The following PXDC1 variants were observed in gnomAD, a reference collection of about 807,000 sequenced individuals.
The protein encoded by PXDC1 is PX domain-containing protein 1.
In PXDC1, 13 loss-of-function variants were observed where a neutral mutation model predicts 24.4. The ratio of observed to expected loss-of-function variants is 0.53; its 90% CI spans 0.35 to 0.85. The LOEUF is 0.85. Ranked by LOEUF, PXDC1 falls within the 40% of genes least tolerant of loss-of-function variation. The pLI, the probability that PXDC1 is intolerant of heterozygous loss-of-function variation, is 0.01. For synonymous variants in PXDC1, 162 were observed against 124.9 expected (o/e 1.30, Z -1.98); for missense variants, 344 against 309.3 (o/e 1.11, Z -0.84).
At position 3,737,940 on chromosome 6, in the gene PXDC1, C is replaced by T. The variant is rs935832391; in HGVS notation, c.348+117G>A. ...TGGTACTACCAGGGAGGGAACAAAA[C>T]GGCTAAGTGAGACAGAGCAAGCAAG... On this transcript the variant is annotated intron_variant, in intron 2 of 4. Coordinates refer to ENST00000380283, the MANE Select transcript of PXDC1 (RefSeq NM_183373.4). This position sits in a 1 kb window ranked among gnomAD's most constrained non-coding sequence, Gnocchi z 5.5. 3.5e-6 allele frequency: 3 copies of T among 867,622 alleles called. No individual in the cohort carries two copies. The highest frequency in any genetic ancestry group is 2.4e-5 in the East Asian group (1 of 41,278). 53.7% of individuals were successfully genotyped at this position (867,622 alleles called of 1,614,324 possible).
intron 3 of PXDC1, 125 bp from the exon 4 acceptor site, chr6:3,727,787 G>A (rs949300507): frequency 6.4e-5 from 42 of 653,252 alleles, no homozygotes; most frequent in Middle Eastern, 2.5e-4. Flanking sequence ...CTTCCACACC[G>A]TAAGAGAATG....
At chr6:3,727,528 G>A (rs374641794) in intron 4 of PXDC1, 23 bp downstream of exon 4, 24 of 1,498,918 alleles carry the variant, frequency 1.6e-5, no homozygotes, top group Non-Finnish European at 2.0e-5. Context: ...TCTATGAAAC[G>A]ATATTCAAAT....
chr6:3,736,864 C>G (rs1760330395), intron 3 of PXDC1, among the ~76,000 whole-genome samples: 1 of 152,190 alleles, frequency 6.6e-6, no homozygotes, highest in Non-Finnish European at 1.5e-5. Flanking sequence ...ACATGCCAAA[C>G]AAACCCCTGA....
chr6:3,727,614 A>G lies in PXDC1; in HGVS notation c.515T>C (p.Val172Ala). The stretch of plus-strand genomic sequence containing the variant: ...TCCATTTGGTATACTGTGGTCAATA[A>G]CTATTGTTTCGGTATTTGCTAAACA... ...GFCLANTETIVIDHSIPNGRD... is the reference protein window; with the variant it reads ...GFCLANTETIAIDHSIPNGRD... Residue 172 changes from valine (V) to alanine (A), a missense_variant, in exon 4 of 5, where the codon GTT (valine) becomes GCT (alanine). Transcript: ENST00000380283. 1 of 1,613,948 alleles carries G rather than the reference A, an allele frequency of 6.2e-7. No homozygotes were observed. The highest frequency in any genetic ancestry group is 8.5e-7 in the Non-Finnish European group (1 of 1,179,864).
rs138654787 is a variant in PXDC1, at chr6:3,732,410, A to G, written c.466+4669T>C. Among the ~76,000 whole-genome samples, 350 of 152,366 alleles carry G rather than the reference A, an allele frequency of 2.3e-3. 2 individuals carry two copies. Among genetic ancestry groups the G allele is most frequent in the African/African-American group, 8.0e-3 (331 of 41,580 alleles). ...CTAAGGTTGAGATTGGCCAGAAGCCAGATTAATGAAAAATAAAATTGTGAT... is the reference window on the plus strand; with the variant it reads ...CTAAGGTTGAGATTGGCCAGAAGCCGGATTAATGAAAAATAAAATTGTGAT... On this transcript the variant is annotated intron_variant, in intron 3 of 4. Coordinates refer to ENST00000380283, the MANE Select transcript of PXDC1 (RefSeq NM_183373.4).
At chr6:3,741,174 G>A (rs1760441529) in intron 1 of PXDC1, among the ~76,000 whole-genome samples, 1 of 152,232 alleles carries the variant, frequency 6.6e-6, no homozygotes, top group African/African-American at 2.4e-5. Flanking sequence ...AGCCTCGAAG[G>A]AGAGTCTCGA....
Position 3,728,144 on chromosome 6 carries a change from T to C in PXDC1, c.467-482A>G, listed in dbSNP as rs1238130600. ...CTGAATGAAATCAGTGTGCATTTTA[T>C]TCTTATTTCAATAGTTTTGGGGTTA... is the stretch of plus-strand genomic sequence containing the variant. On this transcript the variant is annotated intron_variant, in intron 3 of 4. Transcript: ENST00000380283. This position sits in a 1 kb window ranked among gnomAD's most constrained non-coding sequence, Gnocchi z 4.0. 1.3e-5 allele frequency among the ~76,000 whole-genome samples: 2 copies of C among 152,182 alleles called. No individual in the cohort carries two copies. Among genetic ancestry groups the C allele is most frequent in the Admixed American group, 1.3e-4 (2 of 15,282 alleles).
rs146673240 is a variant in PXDC1, at chr6:3,750,438, G to A, written c.256+838C>T. Among the ~76,000 whole-genome samples the A allele has an allele frequency of 5.2e-3, 792 of 151,572 alleles. 2 individuals are homozygous for A. Among genetic ancestry groups the A allele is most frequent in the Middle Eastern group, 0.01 (3 of 294 alleles). On this transcript the variant is annotated intron_variant, in intron 1 of 4. Transcript: ENST00000380283. ...TTCTCCCCTCCCGGCCCTCCCAGGC[G>A]GCCCCTCTCCTCGGCCTGCCCCCTC...
At position 3,751,636 on chromosome 6, in the gene PXDC1, C is replaced by A; in HGVS notation, c.-105G>T. The A allele has an allele frequency of 1.5e-6, 2 of 1,340,724 alleles. No individual in the cohort carries two copies. Among genetic ancestry groups the A allele is most frequent in the South Asian group, 3.7e-5 (2 of 53,748 alleles). The allele number at this position is 1,340,724 out of a possible 1,614,324, so 83.1% of individuals were successfully genotyped here. A position where few individuals can be genotyped will look rare whatever the true frequency, so the allele number is the denominator to read the frequency against. On this transcript the variant is annotated 5_prime_UTR_variant, in exon 1 of 5. Transcript: ENST00000380283. ...TCCCGGGTCTGTCCGTGGCCGGGGT[C>A]GTCCGGGGTCGGCCCGTCACTCCAA...
At chr6:3,746,755 A>G (rs1447829449) in intron 1 of PXDC1, among the ~76,000 whole-genome samples, 1 of 152,120 alleles carries the variant, frequency 6.6e-6, no homozygotes, top group Non-Finnish European at 1.5e-5. Flanking sequence ...GCAGTTGGCC[A>G]TCGGGTGGGA....
At chr6:3,742,625 G>T (rs1324573037) in intron 1 of PXDC1, among the ~76,000 whole-genome samples, 1 of 152,178 alleles carries the variant, frequency 6.6e-6, no homozygotes, top group Non-Finnish European at 1.5e-5. Flanking sequence ...CACGCTTAAG[G>T]AAGTTAGCCT....
chr6:3,724,490 C>T lies in PXDC1; in HGVS notation c.579-754G>A, dbSNP rs915473309. ...AAGAGACTCCAGGTCTTTAAAAATG[C>T]GTAACAGAGAAAAGCACAAGAAGGA... On this transcript the variant is annotated intron_variant, in intron 4 of 4. Transcript: ENST00000380283. This position sits in a 1 kb window ranked among gnomAD's most constrained non-coding sequence, Gnocchi z 4.5. 5.9e-5 allele frequency among the ~76,000 whole-genome samples: 9 copies of T among 152,160 alleles called. No homozygotes were observed. Among genetic ancestry groups the T allele is most frequent in the South Asian group, 2.1e-4 (1 of 4,822 alleles).
At chr6:3,723,764 G>T (rs1348091357) in intron 4 of PXDC1, 28 bp from the exon 5 acceptor site, 2 of 1,582,266 alleles carry the variant, frequency 1.3e-6, no homozygotes, top group East Asian at 2.2e-5. Flanking sequence ...AGAGGTGAGG[G>T]GTGGCTCATT....
At chr6:3,732,783 T>C (rs1308960577) in intron 3 of PXDC1, among the ~76,000 whole-genome samples, 1 of 152,188 alleles carries the variant, frequency 6.6e-6, no homozygotes. Flanking sequence ...ACTCAGCACC[T>C]GCAGGTCCCC....
intron 3 of PXDC1, among the ~76,000 whole-genome samples, chr6:3,729,335 C>A (rs932728494): frequency 2.0e-5 from 3 of 152,212 alleles, no homozygotes; most frequent in Non-Finnish European, 4.4e-5. Flanking sequence ...AAACAGATTT[C>A]CTCCTCGCCC....
chr6:3,732,862 GTA>G (rs1279483931), intron 3 of PXDC1, among the ~76,000 whole-genome samples: 1 of 152,226 alleles, frequency 6.6e-6, no homozygotes, highest in Non-Finnish European at 1.5e-5. Flanking sequence ...CTCCCTACAC[GTA>G]TGTCAGTGGC....
At chr6:3,741,183 G>A (rs375871995) in intron 1 of PXDC1, among the ~76,000 whole-genome samples, 2 of 152,354 alleles carry the variant, frequency 1.3e-5, no homozygotes, top group African/African-American at 2.4e-5. Context: ...GGAGAGTCTC[G>A]AGGGCCAAGT....
At chr6:3,733,546 G>C (rs1217063675) in intron 3 of PXDC1, among the ~76,000 whole-genome samples, 2 of 152,138 alleles carry the variant, frequency 1.3e-5, no homozygotes, top group East Asian at 3.9e-4. Flanking sequence ...GAAGGTCTGG[G>C]GGGTTCAGAG....
chr6:3,735,070 A>C (rs1342664522), intron 3 of PXDC1, among the ~76,000 whole-genome samples: 1 of 152,200 alleles, frequency 6.6e-6, no homozygotes, highest in Non-Finnish European at 1.5e-5. Flanking sequence ...AAAACAAAAC[A>C]AAACCAACAA....
Sources: allele counts gnomAD v4.1 joint callset (sites outside exome capture counted in the v4.1 genomes callset), GRCh38; gene constraint gnomAD v4.1.1; non-coding constraint Gnocchi (gnomAD v3.1); transcripts MANE v1.5; gene names NCBI Gene and HGNC (gene_info 2026-07-23, HGNC 2026-07-21).